The following EXOC6B variants were observed in gnomAD, a reference collection of about 807,000 sequenced individuals.
EXOC6B encodes SEC15 homolog B.
EXOC6B carries 54 observed loss-of-function variants against 113.5 expected under a neutral mutation model. The observed-to-expected ratio is 0.48, with a 90% CI of 0.38 to 0.60. EXOC6B has a LOEUF of 0.60. EXOC6B is among the 20% of genes least tolerant of loss of function. The probability of loss-of-function intolerance (pLI) is 0.00; values close to 1 mark genes in which losing one functional copy is unlikely to be tolerated. For synonymous variants in EXOC6B, 357 were observed against 339.0 expected (o/e 1.05, Z -0.58); for missense variants, 797 against 977.5 (o/e 0.82, Z 2.46).
chr2:72,217,711 C>A (rs1207640481), intron 20 of EXOC6B, among the ~76,000 whole-genome samples: 2 of 152,164 alleles, frequency 1.3e-5, no homozygotes, highest in African/African-American at 2.4e-5. Flanking sequence ...ATATGGATGA[C>A]TGAGGGCTTC....
At chr2:72,479,077 C>T (rs1489911725) in intron 17 of EXOC6B, among the ~76,000 whole-genome samples, 1 of 152,062 alleles carries the variant, frequency 6.6e-6, no homozygotes, top group East Asian at 1.9e-4. Flanking sequence ...TTTATTAAGT[C>T]ATTCTTTTCC....
At chr2:72,180,285 C>G (rs1219099379) in intron 21 of EXOC6B, among the ~76,000 whole-genome samples, 1 of 152,208 alleles carries the variant, frequency 6.6e-6, no homozygotes, top group Non-Finnish European at 1.5e-5. Context: ...TTCTTTCAGA[C>G]AGACAGCCCT....
At chr2:72,601,793 G>A (rs1252312885) in intron 6 of EXOC6B, among the ~76,000 whole-genome samples, 1 of 152,046 alleles carries the variant, frequency 6.6e-6, no homozygotes, top group Non-Finnish European at 1.5e-5. Flanking sequence ...GTAAGCAAAT[G>A]GATAAATAAA....
intron 6 of EXOC6B, among the ~76,000 whole-genome samples, chr2:72,712,176 A>C (rs1230770657): frequency 6.6e-6 from 1 of 152,146 alleles, no homozygotes; most frequent in Non-Finnish European, 1.5e-5. Flanking sequence ...AGACTATACA[A>C]TTGTTTCCTA....
At chr2:72,364,226 AT>A (rs1690479340) in intron 19 of EXOC6B, among the ~76,000 whole-genome samples, 1 of 152,110 alleles carries the variant, frequency 6.6e-6, no homozygotes, top group Non-Finnish European at 1.5e-5. Context: ...AGAAAAAAAA[AT>A]GAGGGGGGTG....
chr2:72,465,025 A>C (rs1296975102), intron 18 of EXOC6B, 135 bp downstream of exon 18: 5 of 697,182 alleles, frequency 7.2e-6, no homozygotes, highest in Non-Finnish European at 1.2e-5. Context: ...ATTAAAGGTT[A>C]ATAAATATAG....
At chr2:72,509,004 C>A (rs1208085450) in intron 11 of EXOC6B, among the ~76,000 whole-genome samples, 1 of 151,586 alleles carries the variant, frequency 6.6e-6, no homozygotes, top group Non-Finnish European at 1.5e-5. Flanking sequence ...CCAAAACTCA[C>A]CTATTAATGC....
intron 20 of EXOC6B, among the ~76,000 whole-genome samples, chr2:72,189,894 G>A (rs1261338712): frequency 3.8e-5 from 4 of 104,366 alleles, no homozygotes; most frequent in African/African-American, 8.6e-5. Flanking sequence ...GCAGAGTCTC[G>A]CTCTGTCATC....
intron 17 of EXOC6B, among the ~76,000 whole-genome samples, chr2:72,469,883 A>G (rs1184151958): frequency 1.3e-5 from 2 of 152,156 alleles, no homozygotes; most frequent in African/African-American, 4.8e-5. Flanking sequence ...AACATATAAA[A>G]TAAGATTTTA....
At chr2:72,233,053 C>T (rs1385709427) in intron 20 of EXOC6B, among the ~76,000 whole-genome samples, 1 of 149,034 alleles carries the variant, frequency 6.7e-6, no homozygotes, top group East Asian at 2.0e-4. Context: ...GCCTGGGTGA[C>T]AGAGTGAAAC....
At chr2:72,372,078 C>T (rs920648131) in intron 19 of EXOC6B, among the ~76,000 whole-genome samples, 2 of 151,884 alleles carry the variant, frequency 1.3e-5, no homozygotes, top group Non-Finnish European at 2.9e-5. Context: ...ATAATAGCCA[C>T]AAATAAAAGT....
chr2:72,525,810 G>A (rs4852873), intron 8 of EXOC6B, among the ~76,000 whole-genome samples: 93,253 of 151,976 alleles, frequency 0.61, 34,831 homozygotes, highest in East Asian at 0.99. Context: ...TAACATACCA[G>A]TTACAACTAA....
intron 6 of EXOC6B, among the ~76,000 whole-genome samples, chr2:72,651,588 T>G (rs1573558435): frequency 6.6e-6 from 1 of 152,158 alleles, no homozygotes; most frequent in Non-Finnish European, 1.5e-5. Context: ...AATACAATAG[T>G]TTCTTATTTA....
chr2:72,360,514 A>C (rs2104980871), intron 19 of EXOC6B, among the ~76,000 whole-genome samples: 1 of 152,288 alleles, frequency 6.6e-6, no homozygotes. Flanking sequence ...GTTCCCACTG[A>C]GGGAGAAGCT....
chr2:72,773,393 G>T (rs1213799932), intron 1 of EXOC6B, among the ~76,000 whole-genome samples: 18 of 149,058 alleles, frequency 1.2e-4, no homozygotes, highest in Non-Finnish European at 1.8e-4. Context: ...GCCTCCCAAG[G>T]TGTTGGGATT....
At chr2:72,649,044 G>A (rs891028381) in intron 6 of EXOC6B, among the ~76,000 whole-genome samples, 2 of 152,172 alleles carry the variant, frequency 1.3e-5, no homozygotes, top group Admixed American at 6.5e-5. Flanking sequence ...GGAGGCTGAG[G>A]TGGGAGGATC....
At chr2:72,653,450 A>C (rs1286244268) in intron 6 of EXOC6B, among the ~76,000 whole-genome samples, 4 of 147,678 alleles carry the variant, frequency 2.7e-5, no homozygotes, top group African/African-American at 1.0e-4. Context: ...AGATATACCT[A>C]ATGCTAAATG....
At chr2:72,528,149 C>A (rs1048365976) in intron 8 of EXOC6B, among the ~76,000 whole-genome samples, 1 of 151,898 alleles carries the variant, frequency 6.6e-6, no homozygotes, top group Non-Finnish European at 1.5e-5. Flanking sequence ...TGAAGATTTT[C>A]CCCTATTTTT....
At chr2:72,494,477 T>G (rs766736393) in intron 15 of EXOC6B, among the ~76,000 whole-genome samples, 6 of 152,090 alleles carry the variant, frequency 3.9e-5, no homozygotes, top group Non-Finnish European at 7.4e-5. Flanking sequence ...AACCCCATGT[T>G]TCATTTATTT....
Sources: gnomAD v4.1 joint callset for allele counts (sites outside exome capture counted in the v4.1 genomes callset) on GRCh38, gnomAD v4.1.1 for gene constraint, MANE v1.5 for transcripts, NCBI Gene and HGNC (gene_info 2026-07-23, HGNC 2026-07-21) for gene names.